Variants in FRMD5 observed in about 807,000 individuals in gnomAD.
The protein encoded by FRMD5 is FERM domain containing 5, also known as FERM domain-containing protein 5.
Under a neutral mutation model 69.0 loss-of-function variants are expected in FRMD5, and 20 were observed. The ratio of observed to expected loss-of-function variants is 0.29; its 90% CI spans 0.20 to 0.42. FRMD5 has a LOEUF of 0.42. Among genes scored for constraint, FRMD5 ranks in the 10% least tolerant of loss-of-function variants. The pLI is 1.00. For synonymous variants in FRMD5, 271 were observed against 260.1 expected (o/e 1.04, Z -0.40); for missense variants, 595 against 708.6 (o/e 0.84, Z 1.82).
At chr15:43,985,968 T>A (rs1288980994) in intron 1 of FRMD5, among the ~76,000 whole-genome samples, 1 of 152,166 alleles carries the variant, frequency 6.6e-6, no homozygotes, top group Non-Finnish European at 1.5e-5. Flanking sequence ...CCTGAAGGAA[T>A]GCAGGAATTG....
At chr15:43,909,537 G>A (rs1015010051) in intron 5 of FRMD5, among the ~76,000 whole-genome samples, 15 of 151,960 alleles carry the variant, frequency 9.9e-5, no homozygotes, top group African/African-American at 3.4e-4. Flanking sequence ...CTGGAGTGCA[G>A]TGGTGCAATC....
intron 7 of FRMD5, among the ~76,000 whole-genome samples, chr15:43,898,865 C>A (rs971875832): frequency 6.6e-6 from 1 of 152,210 alleles, no homozygotes; most frequent in Non-Finnish European, 1.5e-5. Context: ...AGCTCTCTGG[C>A]TGTCCCATCC....
chr15:43,924,256 T>A lies in FRMD5; in HGVS notation c.156A>T (p.Leu52=). ...LFDLLCHHLN[L]LEKDYFGIRF... ...GGATACCAAAATAGTCTTTCTCAAG[T>A]AGGTTCAGATGGTGGCAAAGAAGGT... is the stretch of plus-strand genomic sequence containing the variant. The change falls in exon 2 of 14, where the codon CTA becomes CTT. Residue 52 remains leucine (L), a synonymous_variant. Transcript: ENST00000417257. 9 of 1,614,134 alleles carry A rather than the reference T, an allele frequency of 5.6e-6. No homozygotes were observed. Among genetic ancestry groups the A allele is most frequent in the Non-Finnish European group, 7.6e-6 (9 of 1,179,992 alleles).
intron 1 of FRMD5, among the ~76,000 whole-genome samples, chr15:44,160,792 T>C (rs1041964097): frequency 6.6e-5 from 10 of 152,252 alleles, no homozygotes; most frequent in African/African-American, 2.4e-4. Flanking sequence ...TCTTAGTATT[T>C]TATTTGATGA....
intron 1 of FRMD5, among the ~76,000 whole-genome samples, chr15:44,084,533 C>G (rs1348062323): frequency 6.6e-6 from 1 of 152,068 alleles, no homozygotes. Flanking sequence ...TGATATAAAT[C>G]TATCTCCTTG....
At chr15:44,138,874 T>C (rs1009147920) in intron 1 of FRMD5, among the ~76,000 whole-genome samples, 2 of 152,140 alleles carry the variant, frequency 1.3e-5, no homozygotes, top group East Asian at 1.9e-4. Flanking sequence ...TCCATTTACA[T>C]AAAATGTTCA....
rs112617792 is a variant in FRMD5, at chr15:43,989,226, C to T, written c.103-64917G>A. The T allele has an allele frequency of 3.1e-5, 25 of 807,138 alleles. No homozygotes were observed. The East Asian group carries it at 4.6e-4, about 15-fold the overall frequency. 50.0% of individuals were successfully genotyped at this position (807,138 alleles called of 1,614,324 possible). On this transcript the variant is annotated intron_variant, in intron 1 of 13. Coordinates refer to ENST00000417257, the MANE Select transcript of FRMD5 (RefSeq NM_032892.5). ...TGATCTTGATCTTCATTGTGCTGGG[C>T]GCCAGGGTGGTGATCTTCTGCATCC...
intron 1 of FRMD5, among the ~76,000 whole-genome samples, chr15:44,123,004 C>T (rs1440459522): frequency 6.6e-6 from 1 of 152,244 alleles, no homozygotes; most frequent in East Asian, 1.9e-4. Flanking sequence ...CAGAAAATAA[C>T]ATGGCAAGAA....
chr15:43,931,588 C>CTT (rs71421810), intron 1 of FRMD5, among the ~76,000 whole-genome samples: 19 of 144,782 alleles, frequency 1.3e-4, no homozygotes, highest in Non-Finnish European at 2.1e-4. Flanking sequence ...CTGCTTTTTT[C>CTT]TTTTTTTTTT....
chr15:44,167,066 A>T (rs2077722120), intron 1 of FRMD5, among the ~76,000 whole-genome samples: 2 of 152,168 alleles, frequency 1.3e-5, no homozygotes, highest in Admixed American at 6.5e-5. Flanking sequence ...TACCAATTAG[A>T]CTTTTCCATA....
intron 5 of FRMD5, among the ~76,000 whole-genome samples, chr15:43,906,336 A>G (rs1001772216): frequency 1.3e-5 from 2 of 152,256 alleles, no homozygotes; most frequent in African/African-American, 2.4e-5. Context: ...GAGCTTGATC[A>G]GAAAGGGAGA....
chr15:44,100,347 G>A (rs1304008101), intron 1 of FRMD5, among the ~76,000 whole-genome samples: 20 of 151,856 alleles, frequency 1.3e-4, no homozygotes, highest in Non-Finnish European at 2.4e-4. Context: ...ATGAGCCATC[G>A]TGCCAGGCCA....
At chr15:44,139,623 G>A (rs2077237087) in intron 1 of FRMD5, among the ~76,000 whole-genome samples, 1 of 149,774 alleles carries the variant, frequency 6.7e-6, no homozygotes, top group Non-Finnish European at 1.5e-5. Flanking sequence ...CAGGCATGGT[G>A]GCTCATGCTG....
intron 1 of FRMD5, among the ~76,000 whole-genome samples, chr15:44,026,753 C>A (rs1891445236): frequency 6.6e-6 from 1 of 152,176 alleles, no homozygotes; most frequent in South Asian, 2.1e-4. Flanking sequence ...CCACTCAAAT[C>A]CAGAGGAATC....
chr15:44,099,945 G>C (rs996961380), intron 1 of FRMD5, among the ~76,000 whole-genome samples: 7 of 151,660 alleles, frequency 4.6e-5, no homozygotes, highest in African/African-American at 7.3e-5. Context: ...ATTTAACCCA[G>C]AGCATTTAAC....
At chr15:44,031,648 G>C (rs373427767) in intron 1 of FRMD5, among the ~76,000 whole-genome samples, 5 of 152,110 alleles carry the variant, frequency 3.3e-5, no homozygotes, top group African/African-American at 1.2e-4. Context: ...CTGGGGATTA[G>C]GTTTCAACAT....
intron 1 of FRMD5, among the ~76,000 whole-genome samples, chr15:44,062,465 C>G (rs942355189): frequency 6.6e-6 from 1 of 152,018 alleles, no homozygotes; most frequent in Non-Finnish European, 1.5e-5. Flanking sequence ...CCAAGGCAGG[C>G]GGATCACTTG....
chr15:44,098,952 G>A (rs1272156704), intron 1 of FRMD5, among the ~76,000 whole-genome samples: 2 of 152,092 alleles, frequency 1.3e-5, no homozygotes, highest in African/African-American at 4.8e-5. Flanking sequence ...CCCACCTCCT[G>A]GACATGTTTA....
At chr15:43,875,853 T>G in intron 13 of FRMD5, 1 of 660,102 alleles carries the variant, frequency 1.5e-6, no homozygotes, top group Non-Finnish European at 2.7e-6. Context: ...ATGATTTTAT[T>G]TTCTTCCTTC....
Sources: gnomAD v4.1 joint callset for allele counts (sites outside exome capture counted in the v4.1 genomes callset) on GRCh38, gnomAD v4.1.1 for gene constraint, MANE v1.5 for transcripts, NCBI Gene and HGNC (gene_info 2026-07-23, HGNC 2026-07-21) for gene names.